CRYBG3: variants seen among roughly 807,000 people sequenced by gnomAD.
The protein encoded by CRYBG3 is very large A-kinase anchor protein.
Under a neutral mutation model 244.2 loss-of-function variants are expected in CRYBG3, and 127 were observed. The ratio of observed to expected loss-of-function variants is 0.52; its 90% CI spans 0.45 to 0.60. The LOEUF is 0.60. Among genes scored for constraint, CRYBG3 ranks in the 20% least tolerant of loss-of-function variants. The pLI is 0.00. For missense variants in CRYBG3, 3,325 were observed against 3,442.5 expected (o/e 0.97, Z 0.85); for synonymous variants, 1,132 against 1,195.8 (o/e 0.95, Z 1.10).
rs936268746 is a variant in CRYBG3 at position 97,871,938 on chromosome 3, G to T, written c.744G>T (p.Leu248Phe). Residue 248 changes from leucine to phenylalanine, a missense_variant, in exon 4 of 22, where the codon TTG becomes TTT. By Grantham distance (22) the Leu-to-Phe change is conservative. This residue lies in a region of CRYBG3 where 1,526 missense variants were observed against 1,443.2 expected (regional missense o/e 1.06). Transcript: ENST00000389622. The part of the protein sequence containing the change: ...IGKYLKQQTG[L>F]ATVNTLDREN... ...AATATTTAAAGCAACAGACAGGCTTGGCAACTGTGAATACCTTGGACAGAG... is the reference window on the plus strand; with the variant it reads ...AATATTTAAAGCAACAGACAGGCTTTGCAACTGTGAATACCTTGGACAGAG... 28 of 1,535,710 alleles carry T rather than the reference G, an allele frequency of 1.8e-5. No homozygotes were observed. The highest frequency in any genetic ancestry group is 2.4e-5 in the Non-Finnish European group (28 of 1,146,642).
At chr3:97,916,504 A>G (rs750791384) in intron 17 of CRYBG3, among the ~76,000 whole-genome samples, 2 of 152,182 alleles carry the variant, frequency 1.3e-5, no homozygotes, top group Non-Finnish European at 2.9e-5. Context: ...GGATCTGTGC[A>G]GAGGAGGTAG....
chr3:97,837,880 A>T (rs1468822454), intron 1 of CRYBG3, among the ~76,000 whole-genome samples: 1 of 152,064 alleles, frequency 6.6e-6, no homozygotes, highest in African/African-American at 2.4e-5. Context: ...GATTTCCCTG[A>T]TGCAGTCACA....
chr3:97,939,977 T>C (rs1310681119), intron 19 of CRYBG3, among the ~76,000 whole-genome samples: 1 of 152,070 alleles, frequency 6.6e-6, no homozygotes, highest in East Asian at 1.9e-4. Context: ...GACTGTTCAT[T>C]GGTTCTCTTA....
chr3:97,880,716 G>T (rs1243475560), intron 6 of CRYBG3, among the ~76,000 whole-genome samples: 2 of 152,146 alleles, frequency 1.3e-5, no homozygotes, highest in African/African-American at 4.8e-5. Flanking sequence ...TCAGCAACAA[G>T]AAAATTAGAA....
At chr3:97,909,700 C>T (rs377367895) in intron 15 of CRYBG3, among the ~76,000 whole-genome samples, 22 of 149,810 alleles carry the variant, frequency 1.5e-4, no homozygotes, top group South Asian at 4.3e-4. Context: ...TGAATGTCCT[C>T]CCGTAGCTCA....
At chr3:97,861,273 C>T (rs1314103448) in intron 2 of CRYBG3, among the ~76,000 whole-genome samples, 1 of 152,084 alleles carries the variant, frequency 6.6e-6, no homozygotes, top group Non-Finnish European at 1.5e-5. Context: ...GAATTAAGCT[C>T]AAATGTTATC....
At chr3:97,838,234 G>GA (rs1401640752) in intron 1 of CRYBG3, among the ~76,000 whole-genome samples, 1 of 152,150 alleles carries the variant, frequency 6.6e-6, no homozygotes, top group Non-Finnish European at 1.5e-5. Context: ...GAACGGCAGT[G>GA]TTGGAAAATG....
intron 11 of CRYBG3, among the ~76,000 whole-genome samples, chr3:97,894,663 C>A (rs1241620897): frequency 6.6e-6 from 1 of 152,114 alleles, no homozygotes; most frequent in South Asian, 2.1e-4. Context: ...ATTTGCGAAT[C>A]TTAATTGATC....
intron 1 of CRYBG3, 112 bp from the exon 2 acceptor site, chr3:97,843,083 A>G: frequency 1.6e-6 from 1 of 621,558 alleles, no homozygotes; most frequent in Non-Finnish European, 2.8e-6. Context: ...TGGTGTATCA[A>G]TCTTTGAGCA....
intron 2 of CRYBG3, among the ~76,000 whole-genome samples, chr3:97,852,788 G>A (rs1385077312): frequency 1.3e-5 from 2 of 151,976 alleles, no homozygotes; most frequent in South Asian, 2.1e-4. Context: ...GTTTATATTC[G>A]CACCAACAGT....
chr3:97,922,436 C>T (rs2039993587), intron 17 of CRYBG3, among the ~76,000 whole-genome samples: 2 of 152,060 alleles, frequency 1.3e-5, no homozygotes, highest in Admixed American at 6.6e-5. Context: ...TGCAATCTAC[C>T]TATCTGACAA....
At chr3:97,928,038 T>C (rs2040059012) in intron 17 of CRYBG3, among the ~76,000 whole-genome samples, 1 of 151,906 alleles carries the variant, frequency 6.6e-6, no homozygotes, top group Non-Finnish European at 1.5e-5. Context: ...ACCTAGCAAT[T>C]CCATTACTGG....
Position 97,874,382 on chromosome 3 carries a change from C to T in CRYBG3, c.3188C>T (p.Ser1063Phe). 1.3e-6 allele frequency: 2 copies of T among 1,532,018 alleles called. No homozygotes were observed. The highest frequency in any genetic ancestry group is 8.7e-7 in the Non-Finnish European group (1 of 1,145,702). 94.9% of individuals were successfully genotyped at this position (1,532,018 alleles called of 1,614,324 possible). Reference protein sequence around the residue: ...LNGGIDSVSSSSSYPEEVSMI... With the variant: ...LNGGIDSVSSFSSYPEEVSMI... Reference sequence around the variant, plus strand: ...GGTGGTATTGATAGTGTGTCATCTTCCTCTAGTTACCCTGAAGAAGTTAGC... The same window carrying T: ...GGTGGTATTGATAGTGTGTCATCTTTCTCTAGTTACCCTGAAGAAGTTAGC... Residue 1063 changes from serine to phenylalanine, a missense_variant, in exon 4 of 22, where the codon TCC (serine) becomes TTC (phenylalanine). Ser to Phe is a radical substitution (Grantham distance 155, BLOSUM62 -2). This residue lies in a region of CRYBG3 where 1,526 missense variants were observed against 1,443.2 expected (regional missense o/e 1.06). Transcript: ENST00000389622.
chr3:97,860,425 G>A (rs993060788), intron 2 of CRYBG3, among the ~76,000 whole-genome samples: 8 of 152,104 alleles, frequency 5.3e-5, no homozygotes, highest in African/African-American at 1.7e-4. Flanking sequence ...AAGCGGTTAG[G>A]CAGTTTTACA....
chr3:97,822,517 C>G (rs2038517212), intron 1 of CRYBG3, among the ~76,000 whole-genome samples, 162 bp downstream of exon 1: 1 of 152,394 alleles, frequency 6.6e-6, no homozygotes, highest in East Asian at 1.9e-4. Flanking sequence ...CCTCCTTGCC[C>G]CGTTCCCGTG....
rs1559749180 is a variant in CRYBG3 at position 97,936,864 on chromosome 3, T to C, written c.8461T>C (p.Phe2821Leu). The part of the protein sequence containing the change: ...RPNEIPNWTA[F>L]SRWKTIGSLR... ...TAATGAGATCCCAAACTGGACAGCA[T>C]TCAGCAGATGGAAAACAATTGGTTC... Residue 2821 changes from phenylalanine to leucine, a missense_variant, in exon 19 of 22, where the codon TTC becomes CTC. Phe to Leu is a conservative substitution (Grantham distance 22). Transcript: ENST00000389622. 2 of 1,612,924 alleles carry C rather than the reference T, an allele frequency of 1.2e-6. No individual in the cohort carries two copies. Among genetic ancestry groups the C allele is most frequent in the Admixed American group, 3.3e-5 (2 of 59,872 alleles).
At chr3:97,837,481 A>G (rs1033670896) in intron 1 of CRYBG3, among the ~76,000 whole-genome samples, 8 of 152,098 alleles carry the variant, frequency 5.3e-5, no homozygotes, top group Non-Finnish European at 8.8e-5. Flanking sequence ...TCTCAACAGT[A>G]TTGCTGATTC....
chr3:97,827,000 C>T (rs985948816), intron 1 of CRYBG3, among the ~76,000 whole-genome samples: 17 of 152,212 alleles, frequency 1.1e-4, no homozygotes, highest in African/African-American at 4.1e-4. Flanking sequence ...GGTTAGCTTC[C>T]TTTGCCAAGG....
At chr3:97,857,227 A>G (rs2039078288) in intron 2 of CRYBG3, among the ~76,000 whole-genome samples, 1 of 152,076 alleles carries the variant, frequency 6.6e-6, no homozygotes, top group African/African-American at 2.4e-5. Context: ...ATTGTGGTCA[A>G]AAAAATACTT....
Sources: allele counts gnomAD v4.1 joint callset (sites outside exome capture counted in the v4.1 genomes callset), GRCh38; gene constraint gnomAD v4.1.1; regional missense constraint gnomAD v4.1.1; transcripts MANE v1.5; gene names NCBI Gene and HGNC (gene_info 2026-07-23, HGNC 2026-07-21).